Variants in RABEP1 observed in about 807,000 individuals in gnomAD.
RABEP1 encodes the protein rabaptin, RAB GTPase binding effector protein 1, also known as rab GTPase-binding effector protein 1.
RABEP1 carries 51 observed loss-of-function variants against 123.4 expected under a neutral mutation model. The ratio of observed to expected loss-of-function variants is 0.41; its 90% confidence interval spans 0.33 to 0.52. The LOEUF is 0.52. RABEP1 is among the 20% of genes least tolerant of loss of function. The pLI, the probability that RABEP1 is intolerant of heterozygous loss-of-function variation, is 0.16. For synonymous variants in RABEP1, 347 were observed against 355.2 expected (o/e 0.98, Z 0.26); for missense variants, 888 against 996.3 (o/e 0.89, Z 1.46).
Position 5,386,269 on chromosome 17 carries a change from C to A in RABEP1, c.*3046C>A. 6.2e-7 allele frequency: 1 copy of A among 1,606,066 alleles called. No individual in the cohort carries two copies. The highest frequency in any genetic ancestry group is 2.2e-5 in the East Asian group (1 of 44,716). On this transcript the variant is annotated 3_prime_UTR_variant, in exon 18 of 18. Transcript: ENST00000537505. The stretch of plus-strand genomic sequence containing the variant: ...TCACCATTTCCCTTATATGTTCACC[C>A]CTGTAAAATTGTAAAGTCACTCACT...
Position 5,385,171 on chromosome 17 carries a change from C to CTT in RABEP1, c.*1949_*1950dup. 1 of 229,940 alleles carries CTT rather than the reference C, an allele frequency of 4.3e-6. No homozygotes were observed. The highest frequency in any genetic ancestry group is 8.6e-6 in the Non-Finnish European group (1 of 116,028). The allele number at this position is 229,940 out of a possible 1,614,324, so 14.2% of individuals were successfully genotyped here. On this transcript the variant is annotated 3_prime_UTR_variant, in exon 18 of 18. Transcript: ENST00000537505. ...TTGTAGAAAAACCCAAACTGAGACT[C>CTT]TTAAGTTTTGTTTAGCAATGTGTTT...
chr17:5,291,846 A>G (rs1421391558), intron 1 of RABEP1, among the ~76,000 whole-genome samples: 1 of 152,194 alleles, frequency 6.6e-6, no homozygotes. Flanking sequence ...TGGAGTTTGC[A>G]GTGATCTGAG....
chr17:5,349,583 G>A (rs1908347274), intron 6 of RABEP1, among the ~76,000 whole-genome samples: 1 of 152,144 alleles, frequency 6.6e-6, no homozygotes, highest in Non-Finnish European at 1.5e-5. Context: ...GACCCAACGA[G>A]GATTTCTGGA....
chr17:5,376,980 T>TA (rs1276835844), intron 13 of RABEP1, 136 bp from the exon 14 acceptor site: 3 of 856,046 alleles, frequency 3.5e-6, no homozygotes, highest in Non-Finnish European at 5.4e-6. Context: ...CCTGAAGCTC[T>TA]AAGTGGCTTA....
At chr17:5,381,116 G>C (rs1303428343) in intron 16 of RABEP1, among the ~76,000 whole-genome samples, 1 of 152,066 alleles carries the variant, frequency 6.6e-6, no homozygotes, top group African/African-American at 2.4e-5. Context: ...GGTGATTATC[G>C]TCACTGTCAC....
intron 10 of RABEP1, among the ~76,000 whole-genome samples, 196 bp downstream of exon 10, chr17:5,363,212 TTTTG>T (rs1282706896): frequency 6.6e-6 from 1 of 151,544 alleles, no homozygotes; most frequent in Non-Finnish European, 1.5e-5. Context: ...CTTTTTTTTT[TTTTG>T]TTTTTGTTTT....
chr17:5,364,583 T>C (rs2144685515), intron 10 of RABEP1: 1 of 152,466 alleles, frequency 6.6e-6, no homozygotes, highest in East Asian at 1.9e-4. Context: ...AAATGCAAAA[T>C]TAGCCAGGTG....
At chr17:5,360,958 A>G in intron 8 of RABEP1, 2 of 483,312 alleles carry the variant, frequency 4.1e-6, no homozygotes, top group Non-Finnish European at 7.4e-6. Context: ...CTGCTTACTT[A>G]TCTTTTTTTT....
At chr17:5,315,641 A>T (rs565129371) in intron 2 of RABEP1, among the ~76,000 whole-genome samples, 1 of 152,206 alleles carries the variant, frequency 6.6e-6, no homozygotes, top group South Asian at 2.1e-4. Context: ...ACTTGAGGTC[A>T]GGAGTTTGAG....
intron 2 of RABEP1, among the ~76,000 whole-genome samples, chr17:5,322,387 AGGAAAAAAGG>A (rs1419590565): frequency 6.6e-6 from 1 of 152,158 alleles, no homozygotes; most frequent in African/African-American, 2.4e-5. Context: ...CCGTAAAAAG[AGGAAAAAAGG>A]GTCATATAAT....
At chr17:5,377,519 A>T (rs4555195) in intron 14 of RABEP1, among the ~76,000 whole-genome samples, 21,853 of 97,700 alleles carry the variant, frequency 0.22, 2,056 homozygotes, top group East Asian at 0.52. Context: ...TTATTTAAAA[A>T]ATTTTTTTTT....
At chr17:5,313,013 G>T (rs956467279) in intron 2 of RABEP1, among the ~76,000 whole-genome samples, 5 of 152,134 alleles carry the variant, frequency 3.3e-5, no homozygotes, top group Admixed American at 6.5e-5. Flanking sequence ...GGGGAGCTCA[G>T]TTAGGAGAAT....
chr17:5,332,926 A>T (rs1166976592), intron 3 of RABEP1, among the ~76,000 whole-genome samples: 3 of 151,884 alleles, frequency 2.0e-5, no homozygotes, highest in Non-Finnish European at 2.9e-5. Context: ...AGATTTTTTA[A>T]GAAACTTTGT....
At chr17:5,375,112 T>C (rs1336893099) in intron 13 of RABEP1, among the ~76,000 whole-genome samples, 2 of 151,650 alleles carry the variant, frequency 1.3e-5, no homozygotes, top group African/African-American at 2.4e-5. Flanking sequence ...TTTTTTTTTT[T>C]TTTTCCTTTT....
chr17:5,381,234 G>A (rs771598272), intron 16 of RABEP1, among the ~76,000 whole-genome samples, 155 bp from the exon 17 acceptor site: 8 of 126,846 alleles, frequency 6.3e-5, no homozygotes, highest in Non-Finnish European at 1.3e-4. Flanking sequence ...TGGCCTGCAC[G>A]CTTGCCCTAT....
chr17:5,370,762 G>C (rs1418388821), intron 12 of RABEP1, among the ~76,000 whole-genome samples: 2 of 152,040 alleles, frequency 1.3e-5, no homozygotes, highest in Non-Finnish European at 2.9e-5. Flanking sequence ...GGTTAAGGTG[G>C]GGACAAAATA....
At chr17:5,352,686 C>G (rs1908661464) in intron 7 of RABEP1, among the ~76,000 whole-genome samples, 2 of 151,820 alleles carry the variant, frequency 1.3e-5, no homozygotes, top group African/African-American at 4.8e-5. Flanking sequence ...CAAAAATTAG[C>G]CAGGTGTGGT....
intron 13 of RABEP1, among the ~76,000 whole-genome samples, chr17:5,375,199 T>G (rs1910892269): frequency 6.6e-6 from 1 of 151,678 alleles, no homozygotes; most frequent in Admixed American, 6.6e-5. Context: ...GACCTCATTC[T>G]TTTTTCCTAT....
intron 1 of RABEP1, among the ~76,000 whole-genome samples, chr17:5,287,406 C>G (rs1194598757): frequency 1.3e-5 from 2 of 152,038 alleles, no homozygotes; most frequent in Admixed American, 1.3e-4. Context: ...CCAGACCAGC[C>G]TGGCCAACAT....
Sources: allele counts gnomAD v4.1 joint callset (sites outside exome capture counted in the v4.1 genomes callset), GRCh38; gene constraint gnomAD v4.1.1; transcripts MANE v1.5; gene names NCBI Gene and HGNC (gene_info 2026-07-23, HGNC 2026-07-21).